The following HELZ variants were observed in gnomAD, a reference collection of about 807,000 sequenced individuals.
The protein encoded by HELZ is helicase with zinc finger.
In HELZ, 23 loss-of-function variants were observed where a neutral mutation model predicts 218.2. The ratio of observed to expected loss-of-function variants is 0.11; its 90% confidence interval spans 0.08 to 0.15. The LOEUF is 0.15. Among genes scored for constraint, HELZ ranks in the 10% least tolerant of loss-of-function variants. The probability of loss-of-function intolerance (pLI) is 1.00; values close to 1 mark genes in which losing one functional copy is unlikely to be tolerated. For synonymous variants in HELZ, 814 were observed against 829.4 expected (o/e 0.98, Z 0.32); for missense variants, 1,813 against 2,353.7 (o/e 0.77, Z 4.75).
chr17:67,141,493 T>C (rs2038323631), intron 21 of HELZ, among the ~76,000 whole-genome samples: 1 of 151,840 alleles, frequency 6.6e-6, no homozygotes, highest in Non-Finnish European at 1.5e-5. Flanking sequence ...ATATTATATA[T>C]AATAGCACAG....
intron 28 of HELZ, 95 bp from the exon 29 acceptor site, chr17:67,109,781 T>C: frequency 1.2e-6 from 1 of 824,368 alleles, no homozygotes; most frequent in East Asian, 2.6e-5. Flanking sequence ...AAGGATATGA[T>C]ACATTGATAT....
chr17:67,171,978 CCCA>C (rs2144183398), intron 13 of HELZ, among the ~76,000 whole-genome samples: 1 of 151,542 alleles, frequency 6.6e-6, no homozygotes, highest in African/African-American at 2.4e-5. Flanking sequence ...ATTACAGGTG[CCCA>C]CCACCACACC....
At chr17:67,136,332 T>G in intron 22 of HELZ, 134 bp from the exon 23 acceptor site, 1 of 642,124 alleles carries the variant, frequency 1.6e-6, no homozygotes. Context: ...ACTGAAACCC[T>G]TATGCACTGC....
At chr17:67,222,952 TACTG>T (rs1201935314) in intron 3 of HELZ, among the ~76,000 whole-genome samples, 1 of 152,010 alleles carries the variant, frequency 6.6e-6, no homozygotes, top group African/African-American at 2.4e-5. Context: ...CAAGGGCAGA[TACTG>T]ACTAAGTGAG....
At chr17:67,136,711 T>C (rs1386565296) in intron 22 of HELZ, among the ~76,000 whole-genome samples, 2 of 152,282 alleles carry the variant, frequency 1.3e-5, no homozygotes, top group East Asian at 1.9e-4. Context: ...ACAAATACTA[T>C]ATAATTCCAT....
chr17:67,244,627 G>C (rs1198368519), intron 1 of HELZ: 2 of 944,830 alleles, frequency 2.1e-6, no homozygotes, highest in African/African-American at 3.6e-5. Flanking sequence ...AGAGCCCTCC[G>C]CGGGGGAGGG....
At chr17:67,177,791 T>C (rs2039502764) in intron 13 of HELZ, among the ~76,000 whole-genome samples, 1 of 152,168 alleles carries the variant, frequency 6.6e-6, no homozygotes, top group South Asian at 2.1e-4. Flanking sequence ...TCATAACTAA[T>C]CTATAAATAG....
chr17:67,237,728 C>T lies in HELZ; in HGVS notation c.-19+1705G>A, dbSNP rs145926707. On this transcript the variant is annotated intron_variant, in intron 3 of 32. Transcript: ENST00000358691. ...AGCTAGCCCGGCACAGTGGCTCACACCTGTAATCCCAGCTCTTTGGGAGGC... is the reference window on the plus strand; with the variant it reads ...AGCTAGCCCGGCACAGTGGCTCACATCTGTAATCCCAGCTCTTTGGGAGGC... Among the ~76,000 whole-genome samples the T allele has an allele frequency of 1.2e-3, 180 of 152,246 alleles. 3 individuals carry two copies. In the East Asian group the frequency reaches 0.032, roughly 27 times the overall value.
At chr17:67,093,589 T>C (rs1042036147) in intron 31 of HELZ, among the ~76,000 whole-genome samples, 1 of 152,232 alleles carries the variant, frequency 6.6e-6, no homozygotes, top group Non-Finnish European at 1.5e-5. Flanking sequence ...TGGGAGCTCC[T>C]GGTCAGTCAA....
intron 31 of HELZ, among the ~76,000 whole-genome samples, chr17:67,101,692 C>T (rs1192752483): frequency 6.6e-6 from 1 of 152,192 alleles, no homozygotes; most frequent in African/African-American, 2.4e-5. Flanking sequence ...TCTGTTGTTT[C>T]TCTCTGCATT....
intron 17 of HELZ, among the ~76,000 whole-genome samples, chr17:67,158,692 G>A (rs1402470184): frequency 2.0e-5 from 3 of 151,864 alleles, no homozygotes; most frequent in Non-Finnish European, 4.4e-5. Flanking sequence ...TTACAGACAG[G>A]TGTAAGTCTC....
chr17:67,223,488 C>CG (rs1424621886), intron 3 of HELZ, among the ~76,000 whole-genome samples: 1 of 152,144 alleles, frequency 6.6e-6, no homozygotes, highest in Non-Finnish European at 1.5e-5. Flanking sequence ...TGGTGGCTCA[C>CG]GCCTGTAATC....
chr17:67,119,616 T>C (rs2037535899), intron 27 of HELZ, among the ~76,000 whole-genome samples: 3 of 152,230 alleles, frequency 2.0e-5, no homozygotes, highest in South Asian at 4.1e-4. Flanking sequence ...TTACTGTATA[T>C]AACTCATACC....
At chr17:67,195,513 G>A (rs754193416) in intron 7 of HELZ, 43 bp from the exon 8 acceptor site, 16 of 1,132,790 alleles carry the variant, frequency 1.4e-5, no homozygotes, top group South Asian at 3.8e-5. Flanking sequence ...CAAGAATAAC[G>A]TTGATGCTGA....
At chr17:67,173,282 A>G (rs1176826896) in intron 13 of HELZ, among the ~76,000 whole-genome samples, 1 of 152,240 alleles carries the variant, frequency 6.6e-6, no homozygotes, top group African/African-American at 2.4e-5. Flanking sequence ...TACTTTTTGA[A>G]ATTTAGTAAC....
At chr17:67,180,866 A>T (rs1253117432) in intron 12 of HELZ, among the ~76,000 whole-genome samples, 2 of 133,080 alleles carry the variant, frequency 1.5e-5, no homozygotes, top group East Asian at 2.2e-4. Flanking sequence ...CGACAGAGTG[A>T]GACTCCATCT....
intron 31 of HELZ, among the ~76,000 whole-genome samples, chr17:67,090,160 T>C (rs904075497): frequency 6.6e-6 from 1 of 152,168 alleles, no homozygotes; most frequent in Non-Finnish European, 1.5e-5. Context: ...TCTATGTCTA[T>C]TGATATGATT....
intron 17 of HELZ, among the ~76,000 whole-genome samples, chr17:67,156,546 C>G (rs552663556): frequency 4.6e-5 from 7 of 152,214 alleles, no homozygotes; most frequent in Non-Finnish European, 8.8e-5. Flanking sequence ...TAAATCACAT[C>G]GATGTTTCCA....
intron 31 of HELZ, among the ~76,000 whole-genome samples, chr17:67,089,696 G>GAC (rs1555595459): frequency 3.4e-4 from 42 of 122,692 alleles, no homozygotes; most frequent in Middle Eastern, 4.3e-3. Flanking sequence ...GAGAGAGAGA[G>GAC]AGAGACAGAG....
Sources: allele counts gnomAD v4.1 joint callset (sites outside exome capture counted in the v4.1 genomes callset), GRCh38; gene constraint gnomAD v4.1.1; transcripts MANE v1.5; gene names NCBI Gene and HGNC (gene_info 2026-07-23, HGNC 2026-07-21).